Variants in BCR observed in about 807,000 individuals in gnomAD.
BCR encodes breakpoint cluster region protein.
Under a neutral mutation model 138.6 loss-of-function variants are expected in BCR, and 58 were observed. The observed-to-expected ratio is 0.42, with a 90% CI of 0.34 to 0.52. BCR has a LOEUF of 0.52. Ranked by LOEUF, BCR falls within the 20% of genes least tolerant of loss-of-function variation. The probability of loss-of-function intolerance (pLI) is 0.06; values close to 1 mark genes in which losing one functional copy is unlikely to be tolerated. For missense variants in BCR, 1,599 were observed against 1,727.2 expected (o/e 0.93, Z 1.32); for synonymous variants, 786 against 730.1 (o/e 1.08, Z -1.23).
intron 1 of BCR, among the ~76,000 whole-genome samples, chr22:23,241,616 A>G (rs1270781220): frequency 2.0e-5 from 3 of 151,966 alleles, no homozygotes; most frequent in Non-Finnish European, 2.9e-5. Context: ...TGCCAGGTCT[A>G]TACCTCAGGG....
At position 23,284,007 on chromosome 22, in the gene BCR, G is replaced by GTGGA; in HGVS notation, c.2147_2150dup (p.Glu717AspfsTer37). On this transcript the variant is annotated frameshift_variant, in exon 9 of 23. Coordinates refer to ENST00000305877, the MANE Select transcript of BCR (RefSeq NM_004327.4). LOFTEE classifies it high-confidence loss of function. ...GCAGCTGCTGAAGGACAGCTTCATG[G>GTGGA]TGGAGCTGGTGGAGGGGGCCCGCAA... The GTGGA allele has an allele frequency of 6.2e-7, 1 of 1,601,594 alleles. No individual in the cohort carries two copies. Among genetic ancestry groups the GTGGA allele is most frequent in the Non-Finnish European group, 8.5e-7 (1 of 1,174,282 alleles).
intron 4 of BCR, chr22:23,264,392 A>C (rs1307678293): frequency 1.3e-6 from 1 of 798,540 alleles, no homozygotes; most frequent in Non-Finnish European, 2.2e-6. Context: ...TGGGCCAAGG[A>C]GACCAGTGAG....
intron 4 of BCR, chr22:23,262,711 GGGCCCGGGTGAGGGC>G (rs1555880725): frequency 1.8e-5 from 14 of 775,858 alleles, no homozygotes; most frequent in Non-Finnish European, 4.7e-6. Context: ...GGGTGAGGGC[GGGCCCGGGTGAGGGC>G]GGGGGCGGAG....
At chr22:23,204,902 C>T (rs1481254461) in intron 1 of BCR, among the ~76,000 whole-genome samples, 4 of 152,182 alleles carry the variant, frequency 2.6e-5, no homozygotes, top group Non-Finnish European at 4.4e-5. Context: ...CAGCTGGTGT[C>T]TTGCCAGCCA....
chr22:23,260,108 G>T (rs1464082047), intron 2 of BCR, among the ~76,000 whole-genome samples: 1 of 152,234 alleles, frequency 6.6e-6, no homozygotes, highest in Non-Finnish European at 1.5e-5. Flanking sequence ...ACGTGAATTT[G>T]AGTGGGGAGG....
At chr22:23,204,907 C>T (rs1357298577) in intron 1 of BCR, among the ~76,000 whole-genome samples, 3 of 152,186 alleles carry the variant, frequency 2.0e-5, no homozygotes, top group Non-Finnish European at 4.4e-5. Flanking sequence ...GGTGTCTTGC[C>T]AGCCAGAGCA....
chr22:23,271,656 G>A (rs1416930492), intron 6 of BCR, 64 bp downstream of exon 6: 3 of 1,545,258 alleles, frequency 1.9e-6, no homozygotes, highest in African/African-American at 2.7e-5. Context: ...GGCAGAGGGG[G>A]CGTTGTGGAA....
At chr22:23,288,290 G>A (rs1274769398) in intron 12 of BCR, 118 bp downstream of exon 12, 6 of 1,014,958 alleles carry the variant, frequency 5.9e-6, no homozygotes, top group Non-Finnish European at 9.1e-6. Context: ...GTGAAGTGTT[G>A]CATGGAGGGC....
chr22:23,269,837 C>T (rs9612270), intron 5 of BCR, among the ~76,000 whole-genome samples: 25,210 of 152,132 alleles, frequency 0.17, 2,721 homozygotes, highest in Middle Eastern at 0.3. Context: ...TACAGTTAAG[C>T]GGGCAAGTTC....
chr22:23,182,809 G>A (rs1429169229), intron 1 of BCR, among the ~76,000 whole-genome samples: 1 of 152,216 alleles, frequency 6.6e-6, no homozygotes, highest in East Asian at 1.9e-4. Context: ...ACAAGTCACA[G>A]CAGGTGAGAA....
intron 1 of BCR, among the ~76,000 whole-genome samples, chr22:23,204,132 G>C (rs554763442): frequency 6.6e-6 from 1 of 152,284 alleles, no homozygotes; most frequent in African/African-American, 2.4e-5. Flanking sequence ...CTGACTAGTC[G>C]TCCTGCACCG....
rs189262720 is a variant in BCR, at chr22:23,200,358, C to G, written c.1279+18119C>G. On this transcript the variant is annotated intron_variant, in intron 1 of 22. Coordinates refer to ENST00000305877, the MANE Select transcript of BCR (RefSeq NM_004327.4). ...TAGAGACAGGGTCTTACTCCGCTGCCCAGGCTGGTGCAGTGGCACACTCAC... is the reference window on the plus strand; with the variant it reads ...TAGAGACAGGGTCTTACTCCGCTGCGCAGGCTGGTGCAGTGGCACACTCAC... 4.8e-4 allele frequency among the ~76,000 whole-genome samples: 73 copies of G among 152,094 alleles called. 1 individual carries two copies. In the East Asian group the frequency reaches 0.012, roughly 25 times the overall value.
intron 4 of BCR, among the ~76,000 whole-genome samples, chr22:23,265,538 C>T (rs147446562): frequency 1.6e-4 from 24 of 152,372 alleles, no homozygotes; most frequent in Admixed American, 5.2e-4. Flanking sequence ...GACTCAGATG[C>T]GGCTTCTGCC....
chr22:23,208,369 T>C (rs7289320), intron 1 of BCR, among the ~76,000 whole-genome samples: 10,331 of 152,156 alleles, frequency 0.068, 1,177 homozygotes, highest in African/African-American at 0.23. Flanking sequence ...AGAGCATGCA[T>C]GGTGGACTGT....
intron 4 of BCR, 125 bp downstream of exon 4, chr22:23,261,665 C>G (rs997286187): frequency 3.5e-5 from 35 of 1,004,992 alleles, no homozygotes; most frequent in Non-Finnish European, 4.5e-5. Context: ...CTCCTAACCT[C>G]AAGTGATCCA....
chr22:23,314,940 A>T (rs2074051967), intron 22 of BCR, among the ~76,000 whole-genome samples: 1 of 152,172 alleles, frequency 6.6e-6, no homozygotes, highest in Non-Finnish European at 1.5e-5. Context: ...AACTACCTCA[A>T]GTGTTCGGGT....
chr22:23,214,369 C>T (rs2072724367), intron 1 of BCR, among the ~76,000 whole-genome samples: 1 of 152,176 alleles, frequency 6.6e-6, no homozygotes, highest in Admixed American at 6.5e-5. Context: ...GATGACCCCC[C>T]AGTATATGAA....
intron 6 of BCR, among the ~76,000 whole-genome samples, chr22:23,271,880 T>C (rs1312296022): frequency 6.6e-6 from 1 of 151,928 alleles, no homozygotes; most frequent in Non-Finnish European, 1.5e-5. Context: ...TTTTTTTTTT[T>C]TGAGGCGGAG....
chr22:23,280,375 C>T (rs1457417075), intron 8 of BCR, among the ~76,000 whole-genome samples: 1 of 152,238 alleles, frequency 6.6e-6, no homozygotes, highest in African/African-American at 2.4e-5. Flanking sequence ...TGTGACCTCA[C>T]AGGGCCTCAG....
Sources: allele counts gnomAD v4.1 joint callset (sites outside exome capture counted in the v4.1 genomes callset), GRCh38; gene constraint gnomAD v4.1.1; transcripts MANE v1.5; gene names NCBI Gene and HGNC (gene_info 2026-07-23, HGNC 2026-07-21).